GNL3: variants seen among roughly 807,000 people sequenced by gnomAD.
The protein encoded by GNL3 is guanine nucleotide-binding protein-like 3.
A neutral mutation model predicts 70.6 loss-of-function variants in GNL3; 77 were observed. That is an observed-to-expected ratio of 1.09 (90% CI 0.91 to 1.32). The LOEUF is 1.32. Ranked by LOEUF, GNL3 falls within the 40% of genes most tolerant of loss-of-function variation. GNL3 has a pLI of 0.00. For missense variants in GNL3, 634 were observed against 644.0 expected, an observed-to-expected ratio of 0.98 and a Z score of 0.17; for synonymous variants, 252 against 216.1, an observed-to-expected ratio of 1.17 and a Z score of -1.46.
intron 9 of GNL3, 168 bp from the exon 10 acceptor site, chr3:52,692,704 A>G (rs1561257395): frequency 1.3e-6 from 1 of 763,534 alleles, no homozygotes; most frequent in Admixed American, 1.7e-5. Flanking sequence ...TTCTCTTTAG[A>G]ACAGTCGGGT....
intron 8 of GNL3, chr3:52,691,339 T>G: frequency 1.6e-6 from 1 of 608,568 alleles, no homozygotes; most frequent in Non-Finnish European, 2.9e-6. Flanking sequence ...TTGGTTTGTT[T>G]GAATTTATAG....
chr3:52,689,905 C>T (rs1370374145), intron 6 of GNL3, among the ~76,000 whole-genome samples: 3 of 152,118 alleles, frequency 2.0e-5, no homozygotes. Flanking sequence ...TGAGCCGATA[C>T]TGTGCCACTG....
chr3:52,688,659 G>A (rs75720767), intron 5 of GNL3, among the ~76,000 whole-genome samples: 3 of 152,136 alleles, frequency 2.0e-5, no homozygotes, highest in African/African-American at 7.2e-5. Context: ...AAGTGAAGGA[G>A]GACAACTTGG....
At chr3:52,690,877 G>C in intron 7 of GNL3, 68 bp from the exon 8 acceptor site, 3 of 1,524,524 alleles carry the variant, frequency 2.0e-6, no homozygotes, top group Non-Finnish European at 2.7e-6. Context: ...TCTGGAGCCT[G>C]ATTGCTTGGG....
In GNL3 at chr3:52,687,369, C is replaced by A; in HGVS notation, c.196C>A (p.Leu66Ile). 1 of 1,613,626 alleles carries A rather than the reference C, an allele frequency of 6.2e-7. No homozygotes were observed. The highest frequency in any genetic ancestry group is 1.7e-4 in the Middle Eastern group (1 of 6,054). Residue 66 changes from leucine to isoleucine, a missense_variant, in exon 3 of 15, where the codon CTA becomes ATA. By Grantham distance (5) the Leu-to-Ile change is conservative (BLOSUM62 2). Transcript: ENST00000418458. ...GGAGGCTCTTCTTAGGGAAGCTGAG[C>A]TAAGGAAACAGAGGGTAAGTTATGT... The part of the protein sequence containing the change: ...FKEALLREAE[L>I]RKQRLEELKQ...
chr3:52,691,662 A>T, intron 9 of GNL3, 33 bp downstream of exon 9: 1 of 1,068,526 alleles, frequency 9.4e-7, no homozygotes, highest in Non-Finnish European at 1.5e-6. Flanking sequence ...GTAATATTAT[A>T]GTGACACACT....
rs1428631387 is a variant in GNL3, at chr3:52,693,780, C to T, written c.1473C>T (p.Asp491=). The change falls in exon 13 of 15, where the codon GAC becomes GAT. Residue 491 remains aspartate, a synonymous_variant. Transcript: ENST00000418458. ...QEEREDDKDS[D]QETVDEEVDE... is the part of the protein sequence containing the mutation. ...AGAGGGAGGATGACAAAGACAGTGA[C>T]CAGGAAACTGTTGATGAAGAAGTTG... The T allele has an allele frequency of 6.2e-7, 1 of 1,613,748 alleles. No individual in the cohort carries two copies. The highest frequency in any genetic ancestry group is 1.3e-5 in the African/African-American group (1 of 74,846).
chr3:52,688,845 T>G, intron 5 of GNL3: 3 of 549,344 alleles, frequency 5.5e-6, no homozygotes, highest in Non-Finnish European at 6.5e-6. Flanking sequence ...GAAATCCATC[T>G]TGATCAGAGA....
At chr3:52,693,952 A>C in intron 13 of GNL3, 85 bp from the exon 14 acceptor site, 1 of 1,325,176 alleles carries the variant, frequency 7.5e-7, no homozygotes. Flanking sequence ...ACCTCCAAAG[A>C]GTTAATTTTT....
In GNL3 at chr3:52,686,784, G is replaced by A; in HGVS notation, c.29G>A (p.Ser10Asn). Residue 10 changes from serine to asparagine, a missense_variant, in exon 2 of 15, where the codon AGT becomes AAT. Coordinates refer to ENST00000418458, the MANE Select transcript of GNL3 (RefSeq NM_014366.5). MKRPKLKKA[S>N]KRMTCHKRYK... ...TTCTTTGTAGAGTTAAAGAAAGCAA[G>A]TAAACGCATGACCTGCCATAAGCGG... 1 of 1,612,298 alleles carries A rather than the reference G, an allele frequency of 6.2e-7. No individual in the cohort carries two copies. The highest frequency in any genetic ancestry group is 8.5e-7 in the Non-Finnish European group (1 of 1,178,350).
chr3:52,692,998 AC>A lies in GNL3; in HGVS notation c.998del (p.Pro333ArgfsTer17), dbSNP rs1358965531. On this transcript the variant is annotated frameshift_variant, in exon 10 of 15. Coordinates refer to ENST00000418458, the MANE Select transcript of GNL3 (RefSeq NM_014366.5). LOFTEE classifies it high-confidence loss of function. ...RSPASIEVVK[P>X]MEAASAILSQ... ...GTCCAGCAAGTATTGAAGTAGTAAA[AC>A]CGATGGAGGCTGCCAGTGCCATCCT... The A allele has an allele frequency of 2.5e-6, 4 of 1,613,960 alleles. No individual in the cohort carries two copies. In the African/African-American group the frequency reaches 5.3e-5, roughly 22 times the overall value.
upstream of GNL3, chr3:52,685,960 C>G (rs906571613): frequency 8.2e-5 from 61 of 740,746 alleles, no homozygotes; most frequent in Non-Finnish European, 1.4e-4. Context: ...ACACTGCGTG[C>G]CCGCGCACGC....
intron 7 of GNL3, 59 bp downstream of exon 7, chr3:52,690,763 A>C: frequency 1.7e-6 from 2 of 1,169,492 alleles, no homozygotes; most frequent in Non-Finnish European, 2.5e-6. Flanking sequence ...AAATATGATG[A>C]GTGTACAAAA....
At chr3:52,692,422 C>G (rs980686875) in intron 9 of GNL3, among the ~76,000 whole-genome samples, 1 of 139,378 alleles carries the variant, frequency 7.2e-6, no homozygotes, top group Non-Finnish European at 1.5e-5. Flanking sequence ...TACAGTGGTG[C>G]TATCTTGGCT....
At position 52,693,519 on chromosome 3, in the gene GNL3, A is replaced by G. The variant is rs749742542; in HGVS notation, c.1299A>G (p.Glu433=). 6.2e-7 allele frequency: 1 copy of G among 1,614,174 alleles called. No individual in the cohort carries two copies. Among genetic ancestry groups the G allele is most frequent in the Admixed American group, 1.7e-5 (1 of 60,020 alleles). The part of the protein sequence containing the change: ...MKSGFNLEEL[E]KNNAQSIRAI... ...GCGGCTTCAATCTGGAAGAACTGGA[A>G]AAGAACAATGCACAGAGCATAAGAG... The change falls in exon 12 of 15, where the codon GAA becomes GAG. Residue 433 remains glutamate (E), a synonymous_variant. Coordinates refer to ENST00000418458, the MANE Select transcript of GNL3 (RefSeq NM_014366.5).
At chr3:52,689,296 AC>A (rs2097325054) in intron 6 of GNL3, 90 bp downstream of exon 6, 1 of 1,204,792 alleles carries the variant, frequency 8.3e-7, no homozygotes, top group African/African-American at 1.5e-5. Context: ...ATTAGATCCA[AC>A]TCTGATCTCA....
chr3:52,693,936 A>T, intron 13 of GNL3, 101 bp from the exon 14 acceptor site: 3 of 1,287,662 alleles, frequency 2.3e-6, no homozygotes, highest in Non-Finnish European at 3.4e-6. Flanking sequence ...ACATCCCGTT[A>T]TATGTACCTC....
Position 52,687,329 on chromosome 3 carries a change from C to CA in GNL3, c.157dup (p.Ser53LysfsTer5). 1 of 1,613,520 alleles carries CA rather than the reference C, an allele frequency of 6.2e-7. No homozygotes were observed. Among genetic ancestry groups the CA allele is most frequent in the Non-Finnish European group, 8.5e-7 (1 of 1,179,416 alleles). ...CTAGGAAAGACCCAGGAGTTCCAAACAGTGCTCCCTTTAAGGAGGCTCTTC... is the reference window on the plus strand; with the variant it reads ...CTAGGAAAGACCCAGGAGTTCCAAACAAGTGCTCCCTTTAAGGAGGCTCTTC... On this transcript the variant is annotated frameshift_variant, in exon 3 of 15. Coordinates refer to ENST00000418458, the MANE Select transcript of GNL3 (RefSeq NM_014366.5). LOFTEE classifies it high-confidence loss of function.
intron 8 of GNL3, 72 bp from the exon 9 acceptor site, chr3:52,691,470 A>AT: frequency 1.1e-6 from 1 of 885,990 alleles, no homozygotes. Context: ...GAAATGGAAA[A>AT]TTAGGCAGTG....
Sources: gnomAD v4.1 joint callset for allele counts (sites outside exome capture counted in the v4.1 genomes callset) on GRCh38, gnomAD v4.1.1 for gene constraint, MANE v1.5 for transcripts, NCBI Gene and HGNC (gene_info 2026-07-23, HGNC 2026-07-21) for gene names.